The following L3MBTL4 variants were observed in gnomAD, a reference collection of about 807,000 sequenced individuals.
L3MBTL4 encodes the protein L3MBTL histone methyl-lysine binding protein 4.
In L3MBTL4, 70 loss-of-function variants were observed where a neutral mutation model predicts 84.5. That is an observed-to-expected ratio of 0.83 (90% CI 0.68 to 1.01). The LOEUF (loss-of-function observed/expected upper bound fraction) is 1.01, where lower values mean the gene tolerates loss of function less well. L3MBTL4 is among the 50% of genes least tolerant of loss of function. The pLI, the probability that L3MBTL4 is intolerant of heterozygous loss-of-function variation, is 0.00. For missense variants in L3MBTL4, 715 were observed against 754.8 expected, an observed-to-expected ratio of 0.95 and a Z score of 0.62; for synonymous variants, 274 against 259.8, an observed-to-expected ratio of 1.05 and a Z score of -0.52.
chr18:5,986,500 G>C (rs562581671), intron 16 of L3MBTL4, among the ~76,000 whole-genome samples: 2 of 152,310 alleles, frequency 1.3e-5, no homozygotes, highest in Non-Finnish European at 2.9e-5. Flanking sequence ...CATTCCTTGG[G>C]AGCTTCTAGC....
At chr18:6,068,736 C>A (rs1394599005) in intron 16 of L3MBTL4, among the ~76,000 whole-genome samples, 1 of 152,162 alleles carries the variant, frequency 6.6e-6, no homozygotes, top group Non-Finnish European at 1.5e-5. Context: ...CCTTTCCAAG[C>A]CCCTTTATGA....
intron 16 of L3MBTL4, among the ~76,000 whole-genome samples, chr18:6,049,993 C>A (rs2056782756): frequency 6.6e-6 from 1 of 152,136 alleles, no homozygotes; most frequent in Non-Finnish European, 1.5e-5. Flanking sequence ...TTTAACTGAT[C>A]AGGATGTGAG....
intron 14 of L3MBTL4, among the ~76,000 whole-genome samples, chr18:6,100,385 T>G (rs2058780675): frequency 6.6e-6 from 1 of 152,236 alleles, no homozygotes; most frequent in South Asian, 2.1e-4. Context: ...TGGTAAGACT[T>G]TCTATTCTGT....
intron 16 of L3MBTL4, chr18:6,030,439 G>C (rs1365122153): frequency 7.1e-6 from 7 of 983,466 alleles, no homozygotes; most frequent in Non-Finnish European, 8.4e-6. Flanking sequence ...TTATCATCAG[G>C]TATTAATTTG....
At chr18:6,225,078 T>C (rs940115636) in intron 10 of L3MBTL4, among the ~76,000 whole-genome samples, 2 of 152,182 alleles carry the variant, frequency 1.3e-5, no homozygotes, top group African/African-American at 4.8e-5. Flanking sequence ...TTCCCATTTC[T>C]GTGTAGAATG....
intron 16 of L3MBTL4, among the ~76,000 whole-genome samples, chr18:5,972,897 T>G (rs79742609): frequency 0.22 from 1,294 of 5,966 alleles, 82 homozygotes; most frequent in East Asian, 0.52. Context: ...CAGAAGAGAA[T>G]AGAATAGAAT....
intron 16 of L3MBTL4, among the ~76,000 whole-genome samples, chr18:6,016,218 G>C (rs2054970868): frequency 6.6e-6 from 1 of 152,134 alleles, no homozygotes; most frequent in Admixed American, 6.5e-5. Context: ...TCTTCCGGGG[G>C]AGCAGCAGGG....
intron 4 of L3MBTL4, among the ~76,000 whole-genome samples, chr18:6,266,511 G>A (rs2048639704): frequency 6.6e-6 from 1 of 152,164 alleles, no homozygotes; most frequent in Admixed American, 6.5e-5. Context: ...ATGACAGGAG[G>A]TAAGATGCAC....
At chr18:5,981,680 T>A (rs1023192486) in intron 16 of L3MBTL4, among the ~76,000 whole-genome samples, 1 of 150,544 alleles carries the variant, frequency 6.6e-6, no homozygotes, top group Non-Finnish European at 1.5e-5. Flanking sequence ...CCAGCCTTGG[T>A]GGCTCCTGCT....
Position 6,108,279 on chromosome 18 carries a change from G to A in L3MBTL4, c.1200-14751C>T, listed in dbSNP as rs545132082. 1.9e-4 allele frequency among the ~76,000 whole-genome samples: 29 copies of A among 152,296 alleles called. No individual in the cohort carries two copies. The South Asian group carries it at 5.8e-3, about 30-fold the overall frequency. ...AGCCAGGGGAAGACTCCAGGAGGAT[G>A]TGGGACTTGTGCCTGGCACTGAGGG... On this transcript the variant is annotated intron_variant, in intron 14 of 18. Transcript: ENST00000317931.
At chr18:6,337,850 T>C (rs2052418596) in intron 1 of L3MBTL4, among the ~76,000 whole-genome samples, 1 of 151,516 alleles carries the variant, frequency 6.6e-6, no homozygotes, top group Non-Finnish European at 1.5e-5. Context: ...CTAATAAGAG[T>C]ACTAATATAA....
At position 6,158,444 on chromosome 18, in the gene L3MBTL4, G is replaced by A. The variant is rs567426374; in HGVS notation, c.1096+13384C>T. Among the ~76,000 whole-genome samples the A allele has an allele frequency of 5.3e-5, 8 of 152,210 alleles. No individual in the cohort carries two copies. The East Asian group carries it at 7.7e-4, about 15-fold the overall frequency. On this transcript the variant is annotated intron_variant, in intron 13 of 18. Transcript: ENST00000317931. ...AGAGAAGACAGCATATATATACAAA[G>A]GCCTTAGGGTGGAAAGAGTTTGTGT...
chr18:6,215,627 G>T (rs1319032867), intron 11 of L3MBTL4, 123 bp downstream of exon 11: 2 of 500,546 alleles, frequency 4.0e-6, no homozygotes, highest in Non-Finnish European at 7.0e-6. Flanking sequence ...AAGCATATTG[G>T]TTATGAAATT....
At chr18:6,177,454 C>T (rs545005318) in intron 12 of L3MBTL4, among the ~76,000 whole-genome samples, 1 of 152,228 alleles carries the variant, frequency 6.6e-6, no homozygotes, top group Non-Finnish European at 1.5e-5. Context: ...AGGATGGGAG[C>T]AGGACTGGCT....
intron 1 of L3MBTL4, among the ~76,000 whole-genome samples, chr18:6,319,324 C>T (rs2051284865): frequency 6.6e-6 from 1 of 151,892 alleles, no homozygotes; most frequent in African/African-American, 2.4e-5. Flanking sequence ...TCGATGAAAC[C>T]AAAGGCTGCT....
chr18:6,082,820 A>G (rs560816214), intron 15 of L3MBTL4, among the ~76,000 whole-genome samples: 16 of 152,312 alleles, frequency 1.1e-4, no homozygotes, highest in Non-Finnish European at 2.1e-4. Flanking sequence ...TCTTGCTTTC[A>G]AATGATTACA....
At chr18:6,142,908 T>C (rs181415751) in intron 13 of L3MBTL4, among the ~76,000 whole-genome samples, 2 of 152,170 alleles carry the variant, frequency 1.3e-5, no homozygotes, top group Admixed American at 1.3e-4. Flanking sequence ...TGTAAACAAA[T>C]CCTTCATTAA....
intron 16 of L3MBTL4, among the ~76,000 whole-genome samples, chr18:6,064,254 A>G (rs1233280223): frequency 3.3e-5 from 5 of 152,072 alleles, no homozygotes; most frequent in African/African-American, 9.7e-5. Flanking sequence ...CGCTTTGATA[A>G]TTACAGCCTT....
intron 16 of L3MBTL4, among the ~76,000 whole-genome samples, chr18:6,017,153 T>C (rs147792483): frequency 2.6e-5 from 4 of 152,184 alleles, no homozygotes; most frequent in Admixed American, 6.5e-5. Flanking sequence ...AAGAAGAAAA[T>C]GGCCACAAGC....
Sources: allele counts gnomAD v4.1 joint callset (sites outside exome capture counted in the v4.1 genomes callset), GRCh38; gene constraint gnomAD v4.1.1; transcripts MANE v1.5; gene names NCBI Gene and HGNC (gene_info 2026-07-23, HGNC 2026-07-21).